Variants in CSAD observed in about 807,000 individuals in gnomAD.
CSAD encodes P-selectin cytoplasmic tail-associated protein.
In CSAD, 47 loss-of-function variants were observed where a neutral mutation model predicts 61.5. The ratio of observed to expected loss-of-function variants is 0.76; its 90% CI spans 0.60 to 0.97. CSAD has a LOEUF of 0.97. Ranked by LOEUF, CSAD falls within the 50% of genes least tolerant of loss-of-function variation. The pLI is 0.00. For missense variants in CSAD, 611 were observed against 643.6 expected (o/e 0.95, Z 0.55); for synonymous variants, 245 against 252.7 (o/e 0.97, Z 0.29).
At chr12:53,170,717 TGTTTG>T in intron 8 of CSAD, 1 of 572,918 alleles carries the variant, frequency 1.7e-6, no homozygotes, top group Non-Finnish European at 3.1e-6. Flanking sequence ...ATTCTGCATT[TGTTTG>T]TTTTTTTTTT....
At chr12:53,167,875 G>A (rs1428196190) in intron 10 of CSAD, among the ~76,000 whole-genome samples, 2 of 152,062 alleles carry the variant, frequency 1.3e-5, no homozygotes, top group Non-Finnish European at 2.9e-5. Flanking sequence ...CCACTCCTAG[G>A]TATATAACCA....
At chr12:53,172,238 A>T in intron 6 of CSAD, 108 bp downstream of exon 6, 1 of 1,062,184 alleles carries the variant, frequency 9.4e-7, no homozygotes, top group Non-Finnish European at 1.5e-6. Flanking sequence ...AGGGATTCCC[A>T]GAAGCAGTAG....
At chr12:53,159,997 G>C (rs1204759182) in intron 14 of CSAD, 59 bp from the exon 15 acceptor site, 1 of 1,601,044 alleles carries the variant, frequency 6.2e-7, no homozygotes, top group Non-Finnish European at 8.5e-7. Context: ...CCAGACAGAA[G>C]AGGCCCACGT....
rs200877145 is a variant in CSAD, at chr12:53,160,119, C to G, written c.1166+1G>C. 59 of 1,612,896 alleles carry G rather than the reference C, an allele frequency of 3.7e-5. No individual in the cohort carries two copies. Among genetic ancestry groups the G allele is most frequent in the Non-Finnish European group, 4.7e-5 (56 of 1,180,030 alleles). ...ACGACCCCCCACCTCCTCCCGCCTA[C>G]CGGGCAAGGACAAAGGCCTGGTCGA... On this transcript the variant is annotated splice_donor_variant, in intron 14 of 16. Coordinates refer to ENST00000444623, the MANE Select transcript of CSAD (RefSeq NM_001244705.2). LOFTEE classifies it high-confidence loss of function.
chr12:53,161,114 G>A lies in CSAD; in HGVS notation c.884+13C>T. The A allele has an allele frequency of 6.2e-7, 1 of 1,612,718 alleles. No homozygotes were observed. Reference sequence around the variant, plus strand: ...TGAAGGGCGGGATTTGGGAAGAAGGGGACTGTATGCACCTCTGGATCCCAT... The same window carrying A: ...TGAAGGGCGGGATTTGGGAAGAAGGAGACTGTATGCACCTCTGGATCCCAT... On this transcript the variant is annotated intron_variant, in intron 12 of 16. Transcript: ENST00000444623.
Position 53,171,429 on chromosome 12 carries a change from G to C in CSAD, c.464C>G (p.Ser155Cys). The change falls in exon 8 of 17, where the codon TCC becomes TGC. Residue 155 changes from serine to cysteine, a missense_variant. Transcript: ENST00000444623. ...GGCCAGATTTACAGCATACATGTTG[G>C]AGATGGAGCCACCTGTCACAGGGAG... Reference protein sequence around the residue: ...DGIFCPGGSISNMYAVNLARY... With the variant: ...DGIFCPGGSICNMYAVNLARY... The C allele has an allele frequency of 6.2e-7, 1 of 1,613,724 alleles. No individual in the cohort carries two copies. Among genetic ancestry groups the C allele is most frequent in the South Asian group, 1.1e-5 (1 of 91,080 alleles).
intron 8 of CSAD, 170 bp from the exon 9 acceptor site, chr12:53,170,672 G>A: frequency 3.2e-6 from 2 of 631,920 alleles, no homozygotes; most frequent in South Asian, 1.8e-5. Flanking sequence ...GCAGGTTCTG[G>A]TCCACTAGGT....
At position 53,172,394 on chromosome 12, in the gene CSAD, G is replaced by A; in HGVS notation, c.296C>T (p.Pro99Leu). 2 of 1,614,108 alleles carry A rather than the reference G, an allele frequency of 1.2e-6. No individual in the cohort carries two copies. The highest frequency in any genetic ancestry group is 1.7e-6 in the Non-Finnish European group (2 of 1,180,018). Residue 99 changes from proline (P) to leucine (L), a missense_variant, in exon 6 of 17, where the codon CCC becomes CTC. By Grantham distance (98) the Pro-to-Leu change is moderately conservative. Transcript: ENST00000444623. ...FFNQLFSGLDPHALAGRIITE... is the reference protein window; with the variant it reads ...FFNQLFSGLDLHALAGRIITE... ...GATAATGCGCCCGGCCAGAGCATGG[G>A]GATCCAACCCAGAGAAGAGCTGGTT...
chr12:53,166,333 G>GA (rs964187824), intron 10 of CSAD: 49 of 147,364 alleles, frequency 3.3e-4, no homozygotes, highest in East Asian at 1.8e-3. Context: ...TCCATCTCGA[G>GA]AAAAAAAAAA....
At chr12:53,178,311 A>C in intron 2 of CSAD, 1 of 453,060 alleles carries the variant, frequency 2.2e-6, no homozygotes, top group South Asian at 1.6e-5. Flanking sequence ...TGTCTCTACA[A>C]AAAACAAAAA....
Position 53,159,635 on chromosome 12 carries a change from T to C in CSAD, c.1296A>G (p.Glu432=). 3.1e-6 allele frequency: 5 copies of C among 1,611,000 alleles called. No homozygotes were observed. Among genetic ancestry groups the C allele is most frequent in the Non-Finnish European group, 4.2e-6 (5 of 1,178,726 alleles). ...ACAGCACGCCTACCTTTGACAGCCT[T>C]TCGTGGTAATCTGGACTCTCCTGCT... ...RGKQESPDYH[E]RLSKVAPVLK... is the part of the protein sequence containing the mutation. Residue 432 remains glutamate (E), a synonymous_variant, in exon 16 of 17, where the codon GAA becomes GAG. Transcript: ENST00000444623.
At chr12:53,165,043 G>T (rs1256346157) in intron 10 of CSAD, among the ~76,000 whole-genome samples, 1 of 152,242 alleles carries the variant, frequency 6.6e-6, no homozygotes, top group Non-Finnish European at 1.5e-5. Flanking sequence ...AAAATGAGGG[G>T]ATGCATGGCT....
chr12:53,178,512 C>T (rs1941279794), intron 2 of CSAD: 6 of 323,586 alleles, frequency 1.9e-5, no homozygotes, highest in Admixed American at 3.8e-5. Flanking sequence ...GAAAATAGGG[C>T]CGGGTGTGGT....
intron 10 of CSAD, among the ~76,000 whole-genome samples, chr12:53,164,141 C>T (rs1939613425): frequency 6.6e-6 from 1 of 152,186 alleles, no homozygotes; most frequent in Admixed American, 6.5e-5. Context: ...AGGGCTAAAA[C>T]TATAAAACTC....
rs1179082456 is a variant in CSAD, at chr12:53,160,753, G to T, written c.966+10C>A. The T allele has an allele frequency of 3.2e-6, 5 of 1,550,246 alleles. No individual in the cohort carries two copies. In the Admixed American group the frequency reaches 9.8e-5, roughly 30 times the overall value. ...AGGTGGGGCTGGTGCAGGGGCAGGGGCAGACCCACCGAGGTATCCTGGAGA... is the reference window on the plus strand; with the variant it reads ...AGGTGGGGCTGGTGCAGGGGCAGGGTCAGACCCACCGAGGTATCCTGGAGA... On this transcript the variant is annotated intron_variant, in intron 13 of 16. Transcript: ENST00000444623.
chr12:53,162,234 T>C (rs2121411710), intron 10 of CSAD, among the ~76,000 whole-genome samples: 1 of 149,194 alleles, frequency 6.7e-6, no homozygotes. Flanking sequence ...GATCACACCA[T>C]TGTACTCCAG....
intron 2 of CSAD, chr12:53,174,086 C>T (rs1295407707): frequency 3.3e-5 from 11 of 337,588 alleles, no homozygotes; most frequent in South Asian, 1.1e-4. Context: ...GGGCGGATCA[C>T]GAGGTCAGGA....
chr12:53,180,560 C>T, intron 1 of CSAD, 172 bp downstream of exon 1: 1 of 1,281,748 alleles, frequency 7.8e-7, no homozygotes, highest in Non-Finnish European at 1.0e-6. Context: ...CGGCGCCGCC[C>T]ACTCACCCAG....
intron 4 of CSAD, among the ~76,000 whole-genome samples, chr12:53,172,945 C>T (rs1043459827): frequency 5.9e-5 from 9 of 152,200 alleles, no homozygotes; most frequent in East Asian, 1.9e-4. Context: ...TGGTAGCTCA[C>T]GCCTGTAACC....
Sources: allele counts gnomAD v4.1 joint callset (sites outside exome capture counted in the v4.1 genomes callset), GRCh38; gene constraint gnomAD v4.1.1; transcripts MANE v1.5; gene names NCBI Gene and HGNC (gene_info 2026-07-23, HGNC 2026-07-21).